Variants in USH2A observed in about 807,000 individuals in gnomAD.
USH2A encodes the protein Usher syndrome 2A (autosomal recessive, mild).
USH2A carries 443 observed loss-of-function variants against 538.9 expected under a neutral mutation model. The ratio of observed to expected loss-of-function variants is 0.82; its 90% CI spans 0.76 to 0.89. The LOEUF (loss-of-function observed/expected upper bound fraction) is 0.89. USH2A is among the 40% of genes least tolerant of loss of function. The pLI is 0.00. For synonymous variants in USH2A, 2,413 were observed against 2,273.5 expected (o/e 1.06, Z -1.75); for missense variants, 6,633 against 6,324.8 (o/e 1.05, Z -1.65).
intron 5 of USH2A, among the ~76,000 whole-genome samples, chr1:216,327,121 A>T (rs955533365): frequency 2.6e-5 from 4 of 152,152 alleles, no homozygotes; most frequent in African/African-American, 9.6e-5. Flanking sequence ...TCAAATGCTC[A>T]TTCTTCTTGT....
At chr1:216,244,142 A>T (rs935973170) in intron 13 of USH2A, among the ~76,000 whole-genome samples, 29 of 152,320 alleles carry the variant, frequency 1.9e-4, no homozygotes, top group African/African-American at 7.0e-4. Context: ...TAGTCAGAGG[A>T]TGCCAACTAA....
chr1:215,963,846 C>T (rs976392697), intron 37 of USH2A, among the ~76,000 whole-genome samples: 6 of 152,060 alleles, frequency 3.9e-5, no homozygotes, highest in African/African-American at 1.4e-4. Flanking sequence ...TCGACATTTA[C>T]CTTAATCTGT....
intron 21 of USH2A, among the ~76,000 whole-genome samples, chr1:216,157,869 G>A (rs1572008518): frequency 6.6e-6 from 1 of 152,102 alleles, no homozygotes; most frequent in African/African-American, 2.4e-5. Flanking sequence ...CTTGCGTAAT[G>A]GAACCCATAG....
At chr1:216,365,307 T>C (rs905247902) in intron 3 of USH2A, among the ~76,000 whole-genome samples, 4 of 152,122 alleles carry the variant, frequency 2.6e-5, no homozygotes, top group African/African-American at 9.7e-5. Context: ...TCCCAGGGTG[T>C]TCACAGGTAT....
At chr1:216,168,666 C>T (rs404625) in intron 21 of USH2A, among the ~76,000 whole-genome samples, 1 of 152,130 alleles carries the variant, frequency 6.6e-6, no homozygotes, top group African/African-American at 2.4e-5. Flanking sequence ...AGCCGTGCAG[C>T]CTCCAGCTGC....
intron 47 of USH2A, among the ~76,000 whole-genome samples, chr1:215,835,506 T>C (rs1297039152): frequency 6.6e-6 from 1 of 152,132 alleles, no homozygotes; most frequent in Non-Finnish European, 1.5e-5. Context: ...CTAGTAGCCC[T>C]CAGTTTCTCC....
intron 60 of USH2A, among the ~76,000 whole-genome samples, chr1:215,733,912 G>A (rs1225763576): frequency 6.6e-6 from 1 of 152,132 alleles, no homozygotes; most frequent in Non-Finnish European, 1.5e-5. Flanking sequence ...CTTTTTTCAG[G>A]ATACAAGCTG....
At chr1:215,963,264 A>G (rs1462268948) in intron 37 of USH2A, among the ~76,000 whole-genome samples, 6 of 152,098 alleles carry the variant, frequency 3.9e-5, no homozygotes, top group Non-Finnish European at 8.8e-5. Flanking sequence ...CCCTCAGTGT[A>G]AATGTCACCC....
chr1:216,395,818 C>G (rs1014807782), intron 3 of USH2A, among the ~76,000 whole-genome samples: 3 of 152,114 alleles, frequency 2.0e-5, no homozygotes, highest in Non-Finnish European at 4.4e-5. Flanking sequence ...CACAGGAAAG[C>G]CAGGCACAAC....
At chr1:215,966,085 A>T (rs939740416) in intron 36 of USH2A, among the ~76,000 whole-genome samples, 7 of 152,016 alleles carry the variant, frequency 4.6e-5, no homozygotes, top group African/African-American at 1.7e-4. Flanking sequence ...CATCCTAGGG[A>T]CTCTATCCCT....
At chr1:216,033,758 C>T (rs1482937215) in intron 32 of USH2A, among the ~76,000 whole-genome samples, 1 of 152,064 alleles carries the variant, frequency 6.6e-6, no homozygotes, top group African/African-American at 2.4e-5. Flanking sequence ...ATCATTTGAG[C>T]CCAAGAGGTC....
intron 40 of USH2A, among the ~76,000 whole-genome samples, chr1:215,898,783 T>A (rs981780716): frequency 6.6e-6 from 1 of 152,198 alleles, no homozygotes; most frequent in African/African-American, 2.4e-5. Context: ...AAGTCTTCAG[T>A]CCATAAATCT....
At chr1:216,021,387 G>C (rs1571895513) in intron 32 of USH2A, among the ~76,000 whole-genome samples, 1 of 152,014 alleles carries the variant, frequency 6.6e-6, no homozygotes, top group Admixed American at 6.6e-5. Flanking sequence ...CCTTTCGCTT[G>C]GTTCTCATTC....
At chr1:215,720,695 G>A (rs1007661446) in intron 61 of USH2A, among the ~76,000 whole-genome samples, 13 of 152,050 alleles carry the variant, frequency 8.5e-5, no homozygotes, top group Admixed American at 3.3e-4. Flanking sequence ...CTGCTTGGGA[G>A]AAGGGCCCCC....
chr1:215,652,884 A>C (rs932358230), intron 64 of USH2A, among the ~76,000 whole-genome samples: 1 of 152,248 alleles, frequency 6.6e-6, no homozygotes, highest in African/African-American at 2.4e-5. Context: ...AATTCAGGCT[A>C]CAATGGATGG....
chr1:216,343,683 T>C (rs1026135123), intron 4 of USH2A, among the ~76,000 whole-genome samples: 2 of 152,016 alleles, frequency 1.3e-5, no homozygotes, highest in Admixed American at 6.6e-5. Context: ...AGAACTCAAA[T>C]TGAAATTAAA....
intron 30 of USH2A, among the ~76,000 whole-genome samples, chr1:216,069,576 TGTATGA>T (rs1217947945): frequency 1.2e-4 from 19 of 152,330 alleles, no homozygotes; most frequent in Admixed American, 3.3e-4. Flanking sequence ...GTTAGTGGTG[TGTATGA>T]GTATATTTCA....
intron 21 of USH2A, among the ~76,000 whole-genome samples, chr1:216,147,883 C>A (rs1486601025): frequency 2.7e-5 from 4 of 146,586 alleles, no homozygotes; most frequent in Non-Finnish European, 6.0e-5. Context: ...CCTCCTAAGC[C>A]GCGTCCCATC....
At chr1:216,109,533 CTTG>C (rs1466971736) in intron 21 of USH2A, among the ~76,000 whole-genome samples, 1 of 152,134 alleles carries the variant, frequency 6.6e-6, no homozygotes, top group Non-Finnish European at 1.5e-5. Flanking sequence ...GTCTGGTTTT[CTTG>C]TTGTTACCAT....
Sources: allele counts gnomAD v4.1 joint callset (sites outside exome capture counted in the v4.1 genomes callset), GRCh38; gene constraint gnomAD v4.1.1; transcripts MANE v1.5; gene names NCBI Gene and HGNC (gene_info 2026-07-23, HGNC 2026-07-21).